LRCH2: variants seen among roughly 807,000 people sequenced by gnomAD.
LRCH2 encodes leucine-rich repeat and calponin homology domain-containing protein 2.
Under a neutral mutation model 68.9 loss-of-function variants are expected in LRCH2, and 38 were observed. The observed-to-expected ratio is 0.55, with a 90% confidence interval of 0.43 to 0.72. The LOEUF is 0.72. Among genes scored for constraint, LRCH2 ranks in the 30% least tolerant of loss-of-function variants. LRCH2 has a pLI of 0.00. For synonymous variants in LRCH2, 191 were observed against 208.1 expected, an observed-to-expected ratio of 0.92 and a Z score of 0.71; for missense variants, 528 against 572.9, an observed-to-expected ratio of 0.92 and a Z score of 0.80.
chrX:115,178,081 T>TAAGGAGTA (rs1556551514), intron 5 of LRCH2, among the ~76,000 whole-genome samples: 2 of 111,862 alleles, frequency 1.8e-5, no homozygotes, highest in East Asian at 5.6e-4. Flanking sequence ...GGTGCTTCTC[T>TAAGGAGTA]AAGGAGTAAA....
intron 1 of LRCH2, among the ~76,000 whole-genome samples, chrX:115,214,807 A>C (rs781935628): frequency 2.7e-5 from 3 of 111,619 alleles, no homozygotes; most frequent in African/African-American, 9.8e-5. Flanking sequence ...TAAGGAAAGG[A>C]CTGTGAGTCT....
intron 1 of LRCH2, among the ~76,000 whole-genome samples, chrX:115,202,125 C>A (rs2072934636): frequency 8.9e-6 from 1 of 112,033 alleles, no homozygotes; most frequent in South Asian, 3.7e-4. Context: ...ATACCAACAT[C>A]ATTTTTCACA....
At chrX:115,179,320 A>T (rs984534437) in intron 5 of LRCH2, 107 bp downstream of exon 5, 32 of 682,213 alleles carry the variant, frequency 4.7e-5, no homozygotes, top group Non-Finnish European at 6.2e-5. Context: ...ACAGTGCTTG[A>T]ACAACAAATT....
At chrX:115,128,494 G>A (rs1556528824) in intron 15 of LRCH2, among the ~76,000 whole-genome samples, 2 of 112,111 alleles carry the variant, frequency 1.8e-5, no homozygotes, top group African/African-American at 3.2e-5. Context: ...ACAATGTATT[G>A]TAATAAAAGT....
At chrX:115,161,072 G>C (rs1270679130) in intron 11 of LRCH2, among the ~76,000 whole-genome samples, 2 of 112,404 alleles carry the variant, frequency 1.8e-5, no homozygotes, top group African/African-American at 6.5e-5. Flanking sequence ...GTGCTCTTTG[G>C]CCGGGCGTGG....
rs1054908844 is a variant in LRCH2 at position 115,111,196 on chromosome X, T to C, written c.*2020A>G. ...GGACCTCAGAGAAGCCCATCTTAAATTGAATTTTGCTCTGCAGTAAAGAAT... is the reference window on the plus strand; with the variant it reads ...GGACCTCAGAGAAGCCCATCTTAAACTGAATTTTGCTCTGCAGTAAAGAAT... On this transcript the variant is annotated 3_prime_UTR_variant, in exon 21 of 21. Coordinates refer to ENST00000317135, the MANE Select transcript of LRCH2 (RefSeq NM_020871.4). The C allele has an allele frequency of 9.0e-6, 1 of 111,356 alleles. No individual in the cohort carries two copies. The highest frequency in any genetic ancestry group is 3.8e-4 in the South Asian group (1 of 2,656). 9.2% of individuals were successfully genotyped at this position (111,356 alleles called of 1,213,427 possible).
intron 16 of LRCH2, among the ~76,000 whole-genome samples, chrX:115,125,867 A>G (rs141059328): frequency 0.1 from 11,141 of 107,830 alleles, 600 homozygotes; most frequent in Non-Finnish European, 0.16. Flanking sequence ...ATTGTTTTCT[A>G]AAAGTGTGTA....
At chrX:115,128,694 A>C (rs1190254835) in intron 15 of LRCH2, among the ~76,000 whole-genome samples, 1 of 112,208 alleles carries the variant, frequency 8.9e-6, no homozygotes, top group Non-Finnish European at 1.9e-5. Context: ...TTTCTGATAC[A>C]GCTTTACTTA....
rs201883620 is a variant in LRCH2, at chrX:115,113,284, C to T, written c.2230G>A (p.Val744Ile). 1.7e-6 allele frequency: 2 copies of T among 1,195,140 alleles called. No individual in the cohort carries two copies. The highest frequency in any genetic ancestry group is 2.2e-5 in the Admixed American group (1 of 45,182). The change falls in exon 21 of 21, where the codon GTT becomes ATT. Residue 744 changes from valine (V) to isoleucine (I), a missense_variant. Physicochemically the swap from Val to Ile is conservative, Grantham distance 29 (BLOSUM62 3). Transcript: ENST00000317135. The part of the protein sequence containing the change: ...HILEERGLVK[V>I]GVTVQALLEL... ...AGGAGCGCCTGAACTGTGACACCAA[C>T]TTTCACAAGTCCTCGTTCTTCCAAA...
chrX:115,119,983 C>A (rs782297840), intron 20 of LRCH2, among the ~76,000 whole-genome samples: 2 of 111,298 alleles, frequency 1.8e-5, no homozygotes, highest in African/African-American at 6.5e-5. Flanking sequence ...AAAGCTGAAA[C>A]TGGATCCCTT....
intron 1 of LRCH2, chrX:115,191,831 A>G (rs1556560240): frequency 1.3e-5 from 15 of 1,151,126 alleles, no homozygotes; most frequent in African/African-American, 1.8e-5. Flanking sequence ...CGCTCACCCA[A>G]TGCCTACAGC....
intron 11 of LRCH2, among the ~76,000 whole-genome samples, chrX:115,157,411 G>A (rs970707721): frequency 3.7e-5 from 4 of 109,190 alleles, no homozygotes; most frequent in Non-Finnish European, 5.7e-5. Context: ...ATACAGAAAT[G>A]GATTTTAAAT....
intron 1 of LRCH2, among the ~76,000 whole-genome samples, chrX:115,224,223 G>A (rs782445000): frequency 4.9e-4 from 55 of 111,524 alleles, no homozygotes; most frequent in Non-Finnish European, 9.4e-4. Context: ...TTGGGGAGGA[G>A]GCAGGGAGAA....
intron 20 of LRCH2, among the ~76,000 whole-genome samples, chrX:115,118,499 C>A (rs1290464624): frequency 1.8e-5 from 2 of 108,846 alleles, no homozygotes; most frequent in African/African-American, 6.7e-5. Context: ...AGACCAATAA[C>A]AGGATCTGAA....
At position 115,189,683 on chromosome X, in the gene LRCH2, T is replaced by G. The variant is rs2072766043; in HGVS notation, c.350-1313A>C. On this transcript the variant is annotated intron_variant, in intron 1 of 20. Coordinates refer to ENST00000317135, the MANE Select transcript of LRCH2 (RefSeq NM_020871.4). ...TACCTGGATGGTAAGGCCATCATGG[T>G]GGCCCAGACCATCAAACCGGCATTC... 7 of 1,167,196 alleles carry G rather than the reference T, an allele frequency of 6.0e-6. No homozygotes were observed. Among genetic ancestry groups the G allele is most frequent in the Non-Finnish European group, 6.9e-6 (6 of 873,058 alleles).
At chrX:115,233,404 G>A (rs1019272862) in intron 1 of LRCH2, among the ~76,000 whole-genome samples, 3 of 111,745 alleles carry the variant, frequency 2.7e-5, no homozygotes, top group Non-Finnish European at 3.8e-5. Context: ...ATTAAGGAAG[G>A]TGTCAATGAC....
intron 16 of LRCH2, among the ~76,000 whole-genome samples, chrX:115,126,103 T>C (rs1188913629): frequency 7.2e-5 from 8 of 111,726 alleles, no homozygotes; most frequent in African/African-American, 2.3e-4. Context: ...GTTGAATTCA[T>C]CAAATGAATG....
At chrX:115,189,867 C>T (rs2072770166) in intron 1 of LRCH2, 2 of 1,165,421 alleles carry the variant, frequency 1.7e-6, no homozygotes, top group Non-Finnish European at 2.3e-6. Context: ...TGTGGCCCTA[C>T]AGGGCCCCGA....
At chrX:115,130,015 A>G (rs2072229563) in intron 15 of LRCH2, 140 bp downstream of exon 15, 7 of 375,133 alleles carry the variant, frequency 1.9e-5, no homozygotes, top group East Asian at 9.2e-5. Context: ...TGATGCTCAT[A>G]TGTTTTTATT....
Sources: allele counts gnomAD v4.1 joint callset (sites outside exome capture counted in the v4.1 genomes callset), GRCh38; gene constraint gnomAD v4.1.1; transcripts MANE v1.5; gene names NCBI Gene and HGNC (gene_info 2026-07-23, HGNC 2026-07-21).